IGF2BP2: variants seen among roughly 807,000 people sequenced by gnomAD.
IGF2BP2 encodes insulin-like growth factor 2 mRNA-binding protein 2.
A neutral mutation model predicts 75.8 loss-of-function variants in IGF2BP2; 17 were observed. That is an observed-to-expected ratio of 0.22 (90% confidence interval 0.15 to 0.34). The LOEUF is 0.34. Among genes scored for constraint, IGF2BP2 ranks in the 10% least tolerant of loss-of-function variants. IGF2BP2 has a pLI of 1.00. For synonymous variants in IGF2BP2, 288 were observed against 295.6 expected, an observed-to-expected ratio of 0.97 and a Z score of 0.26; for missense variants, 516 against 772.4, an observed-to-expected ratio of 0.67 and a Z score of 3.93.
intron 12 of IGF2BP2, among the ~76,000 whole-genome samples, chr3:185,652,468 T>G (rs1423837157): frequency 1.3e-5 from 2 of 152,132 alleles, no homozygotes; most frequent in Non-Finnish European, 2.9e-5. Flanking sequence ...GAGCCAAGTT[T>G]TAGGAAATAA....
intron 2 of IGF2BP2, among the ~76,000 whole-genome samples, chr3:185,761,089 C>G (rs1182509834): frequency 1.3e-5 from 2 of 152,010 alleles, no homozygotes; most frequent in Non-Finnish European, 2.9e-5. Flanking sequence ...TGTCTTAAAG[C>G]CCAGGAAAAT....
intron 10 of IGF2BP2, among the ~76,000 whole-genome samples, chr3:185,662,066 T>A (rs1716537531): frequency 6.6e-6 from 1 of 152,058 alleles, no homozygotes. Context: ...GACTTGACAC[T>A]CAGCAGGACA....
chr3:185,810,431 T>C (rs1406196870), intron 2 of IGF2BP2, among the ~76,000 whole-genome samples: 1 of 152,214 alleles, frequency 6.6e-6, no homozygotes, highest in African/African-American at 2.4e-5. Flanking sequence ...TATATTTTCC[T>C]ATGGCACACT....
At chr3:185,783,027 A>G (rs1050042402) in intron 2 of IGF2BP2, among the ~76,000 whole-genome samples, 2 of 152,218 alleles carry the variant, frequency 1.3e-5, no homozygotes, top group Non-Finnish European at 2.9e-5. Context: ...TTCTAATTAC[A>G]TAGTTTTTAG....
At chr3:185,789,878 C>T (rs577209781) in intron 2 of IGF2BP2, among the ~76,000 whole-genome samples, 1 of 152,140 alleles carries the variant, frequency 6.6e-6, no homozygotes, top group African/African-American at 2.4e-5. Context: ...GGATTACAGG[C>T]GTCCGCCACC....
At chr3:185,699,412 T>C (rs1189764099) in intron 2 of IGF2BP2, among the ~76,000 whole-genome samples, 1 of 152,192 alleles carries the variant, frequency 6.6e-6, no homozygotes, top group African/African-American at 2.4e-5. Context: ...TCAGATTTAG[T>C]TGCCCCCTTA....
At chr3:185,721,388 G>C (rs1314784240) in intron 2 of IGF2BP2, among the ~76,000 whole-genome samples, 1 of 151,946 alleles carries the variant, frequency 6.6e-6, no homozygotes, top group Non-Finnish European at 1.5e-5. Context: ...TTCTAGTAGA[G>C]ACGGGGTTTT....
At chr3:185,814,381 A>G (rs1740324923) in intron 2 of IGF2BP2, among the ~76,000 whole-genome samples, 1 of 152,220 alleles carries the variant, frequency 6.6e-6, no homozygotes, top group Non-Finnish European at 1.5e-5. Context: ...GCATTGTTAA[A>G]AATCACAAGG....
Position 185,742,701 on chromosome 3 carries a change from TTAATGC to T in IGF2BP2, c.240-44360_240-44355del, listed in dbSNP as rs1729732409. 2.6e-5 allele frequency among the ~76,000 whole-genome samples: 4 copies of T among 152,036 alleles called. No homozygotes were observed. In the South Asian group the frequency reaches 6.2e-4, roughly 24 times the overall value. On this transcript the variant is annotated intron_variant, in intron 2 of 15. Transcript: ENST00000382199. ...GTGAAACAAAAACAGCTGAGTTAGT[TTAATGC>T]AGCATTTCCACAATTTTGGTTAGAA...
intron 2 of IGF2BP2, among the ~76,000 whole-genome samples, chr3:185,812,924 C>G (rs566286726): frequency 6.6e-6 from 1 of 152,196 alleles, no homozygotes; most frequent in African/African-American, 2.4e-5. Flanking sequence ...TGACCACAAT[C>G]GATACTTGTG....
chr3:185,811,222 T>C (rs1739776917), intron 2 of IGF2BP2, among the ~76,000 whole-genome samples: 1 of 152,180 alleles, frequency 6.6e-6, no homozygotes, highest in South Asian at 2.1e-4. Context: ...AAATGGCTAC[T>C]GCAACTAAGA....
At chr3:185,661,537 T>C (rs1399145417) in intron 10 of IGF2BP2, among the ~76,000 whole-genome samples, 2 of 148,332 alleles carry the variant, frequency 1.3e-5, no homozygotes, top group Admixed American at 6.9e-5. Context: ...TTCAGGAGGC[T>C]GAGGTGGGAG....
In IGF2BP2 at chr3:185,652,079, T is replaced by C; in HGVS notation, c.1461+15A>G. ...GCCCAGAGCCTGCAGGGCTGAGGTG[T>C]CCCTTGGCACTAACCTTGAACTGGG... On this transcript the variant is annotated intron_variant, in intron 13 of 15. Transcript: ENST00000382199. 6.2e-7 allele frequency: 1 copy of C among 1,606,516 alleles called. No homozygotes were observed.
At position 185,689,381 on chromosome 3, in the gene IGF2BP2, C is replaced by G. The variant is rs1225432112; in HGVS notation, c.651G>C (p.Lys217Asn). Residue 217 changes from lysine to asparagine, a missense_variant, in exon 6 of 16, where the codon AAG (lysine) becomes AAC (asparagine). Transcript: ENST00000382199. ...AIIGKEGLTI[K>N]NITKQTQSRV... Reference sequence around the variant, plus strand: ...GGGACTGGGTCTGCTTAGTGATGTTCTTTATGGTCAAGCCCTCCTTTCCGA... The same window carrying G: ...GGGACTGGGTCTGCTTAGTGATGTTGTTTATGGTCAAGCCCTCCTTTCCGA... 3.7e-6 allele frequency: 6 copies of G among 1,613,796 alleles called. No individual in the cohort carries two copies. Among genetic ancestry groups the G allele is most frequent in the Non-Finnish European group, 5.1e-6 (6 of 1,180,016 alleles).
intron 2 of IGF2BP2, chr3:185,767,989 C>T (rs1236563351): frequency 1.3e-5 from 2 of 152,142 alleles, no homozygotes; most frequent in Non-Finnish European, 2.9e-5. Context: ...TTAAAAAAAT[C>T]TGAAATGTGG....
chr3:185,823,910 G>A (rs1269940774), intron 1 of IGF2BP2, among the ~76,000 whole-genome samples: 2 of 151,740 alleles, frequency 1.3e-5, no homozygotes, highest in Non-Finnish European at 2.9e-5. Flanking sequence ...GGGCTCCAGC[G>A]CGCTCGCGGG....
chr3:185,795,966 T>A (rs1737319099), intron 2 of IGF2BP2, among the ~76,000 whole-genome samples: 1 of 152,180 alleles, frequency 6.6e-6, no homozygotes, highest in African/African-American at 2.4e-5. Context: ...ACAAACTATA[T>A]GAAAAAATTT....
intron 2 of IGF2BP2, among the ~76,000 whole-genome samples, chr3:185,735,493 A>C (rs933938264): frequency 6.6e-6 from 1 of 152,210 alleles, no homozygotes; most frequent in Non-Finnish European, 1.5e-5. Flanking sequence ...ATCTTAAAGG[A>C]TTTACAGCAT....
chr3:185,717,566 G>C (rs193238441), intron 2 of IGF2BP2: 69 of 152,366 alleles, frequency 4.5e-4, no homozygotes, highest in Non-Finnish European at 1.3e-4. Flanking sequence ...GTTTGTAAAG[G>C]CTAGAAGAAA....
Sources: allele counts gnomAD v4.1 joint callset (sites outside exome capture counted in the v4.1 genomes callset), GRCh38; gene constraint gnomAD v4.1.1; transcripts MANE v1.5; gene names NCBI Gene and HGNC (gene_info 2026-07-23, HGNC 2026-07-21).